The following AFDN variants were observed in gnomAD, a reference collection of about 807,000 sequenced individuals.
The protein encoded by AFDN is afadin, adherens junction formation factor.
Under a neutral mutation model 216.6 loss-of-function variants are expected in AFDN, and 68 were observed. The ratio of observed to expected loss-of-function variants is 0.31; its 90% CI spans 0.26 to 0.38. The LOEUF (loss-of-function observed/expected upper bound fraction) is 0.38. Among genes scored for constraint, AFDN ranks in the 10% least tolerant of loss-of-function variants. The pLI, the probability that AFDN is intolerant of heterozygous loss-of-function variation, is 1.00. For synonymous variants in AFDN, 868 were observed against 853.7 expected (o/e 1.02, Z -0.29); for missense variants, 2,136 against 2,342.0 (o/e 0.91, Z 1.82).
In AFDN at chr6:167,971,715, A is replaced by G. The variant is rs556140310; in HGVS notation, c.*1780A>G. On this transcript the variant is annotated 3_prime_UTR_variant, in exon 34 of 34. Coordinates refer to ENST00000683244, the MANE Select transcript of AFDN (RefSeq NM_001386888.1). ...TACATGTAAATATCTACATACAGGG[A>G]TATTTGTATGTGTGGTTGTGAAACC... 3.0e-4 allele frequency: 61 copies of G among 202,600 alleles called. No homozygotes were observed. The East Asian group carries it at 4.6e-3, about 15-fold the overall frequency. 12.6% of individuals were successfully genotyped at this position (202,600 alleles called of 1,614,324 possible).
intron 1 of AFDN, among the ~76,000 whole-genome samples, chr6:167,853,755 C>T (rs568776733): frequency 2.6e-5 from 4 of 151,972 alleles, no homozygotes; most frequent in Non-Finnish European, 5.9e-5. Context: ...GTGCGTTGTG[C>T]TTTTTTCACT....
intron 6 of AFDN, among the ~76,000 whole-genome samples, chr6:167,886,832 A>G (rs767237831): frequency 6.6e-6 from 1 of 151,936 alleles, no homozygotes; most frequent in African/African-American, 2.4e-5. Context: ...GAGGGCAGGA[A>G]CTTGAAGCCC....
chr6:167,957,094 G>C (rs1489143572), intron 30 of AFDN, among the ~76,000 whole-genome samples: 1 of 152,138 alleles, frequency 6.6e-6, no homozygotes, highest in East Asian at 1.9e-4. Flanking sequence ...GGGCCGTCGG[G>C]AGGGTCCCTG....
intron 1 of AFDN, 60 bp downstream of exon 1, chr6:167,827,297 C>A: frequency 1.4e-6 from 1 of 735,830 alleles, no homozygotes; most frequent in Non-Finnish European, 1.7e-6. Context: ...CGCCCCGCCC[C>A]TCCCCCCCGC....
chr6:167,938,844 C>T (rs1794330305), intron 23 of AFDN, among the ~76,000 whole-genome samples: 1 of 152,118 alleles, frequency 6.6e-6, no homozygotes, highest in Non-Finnish European at 1.5e-5. Context: ...TATTGTGAAA[C>T]TGGAACAAAG....
At chr6:167,829,727 C>G (rs1219717327) in intron 1 of AFDN, among the ~76,000 whole-genome samples, 2 of 151,456 alleles carry the variant, frequency 1.3e-5, no homozygotes, top group African/African-American at 2.4e-5. Context: ...AATTTTATAA[C>G]TTCATTAATC....
chr6:167,851,473 T>G (rs1782300428), intron 1 of AFDN, among the ~76,000 whole-genome samples: 1 of 152,206 alleles, frequency 6.6e-6, no homozygotes, highest in African/African-American at 2.4e-5. Context: ...TTCGCCTCTA[T>G]GCACACCCAC....
intron 11 of AFDN, among the ~76,000 whole-genome samples, chr6:167,901,015 A>G (rs1247646928): frequency 1.3e-5 from 2 of 152,330 alleles, no homozygotes; most frequent in African/African-American, 2.4e-5. Flanking sequence ...ATTATTTTGC[A>G]TTACAAAATG....
chr6:167,897,493 G>T (rs924736572), intron 10 of AFDN, among the ~76,000 whole-genome samples: 1 of 151,974 alleles, frequency 6.6e-6, no homozygotes, highest in African/African-American at 2.4e-5. Context: ...TAAGATGATG[G>T]GTTCAGATTG....
intron 29 of AFDN, among the ~76,000 whole-genome samples, chr6:167,950,425 ATT>A (rs1344888127): frequency 8.0e-6 from 1 of 124,372 alleles, no homozygotes; most frequent in East Asian, 2.8e-4. Flanking sequence ...TGTGTGTGTC[ATT>A]TCTCTCTGTC....
At chr6:167,870,327 A>G (rs1784657216) in intron 2 of AFDN, 59 bp from the exon 3 acceptor site, 2 of 1,033,148 alleles carry the variant, frequency 1.9e-6, no homozygotes, top group South Asian at 3.2e-5. Context: ...TGCTTGTATT[A>G]GCTAGTTCTA....
At chr6:167,952,286 A>G (rs922008628) in intron 30 of AFDN, 99 bp downstream of exon 30, 1 of 1,586,826 alleles carries the variant, frequency 6.3e-7, no homozygotes, top group Admixed American at 1.8e-5. Context: ...CGTGATAAGG[A>G]TTAAAAGGGC....
At chr6:167,947,052 C>A in intron 27 of AFDN, 151 bp downstream of exon 27, 1 of 666,996 alleles carries the variant, frequency 1.5e-6, no homozygotes, top group South Asian at 2.2e-5. Context: ...TCATAAGTAA[C>A]ATTTCTCTAA....
chr6:167,957,131 C>A (rs1401560614), intron 30 of AFDN, among the ~76,000 whole-genome samples: 1 of 152,042 alleles, frequency 6.6e-6, no homozygotes, highest in East Asian at 1.9e-4. Context: ...ACCCTCTTGG[C>A]ACATGCAGGT....
At chr6:167,907,050 G>C (rs1478971876) in intron 12 of AFDN, 121 bp from the exon 13 acceptor site, 8 of 686,944 alleles carry the variant, frequency 1.2e-5, no homozygotes, top group Non-Finnish European at 2.0e-5. Flanking sequence ...TTATTTCCTG[G>C]TCTGTGTTCT....
intron 19 of AFDN, 94 bp from the exon 20 acceptor site, chr6:167,916,995 G>T (rs1435692673): frequency 1.1e-5 from 12 of 1,137,980 alleles, no homozygotes; most frequent in Non-Finnish European, 1.3e-5. Context: ...AGTTAAATTA[G>T]CAAGTTATAT....
At chr6:167,827,696 G>C (rs1245480070) in intron 1 of AFDN, 2 of 151,898 alleles carry the variant, frequency 1.3e-5, no homozygotes, top group Non-Finnish European at 2.9e-5. Flanking sequence ...CTGTGCTTCG[G>C]GTTCATAAAC....
chr6:167,921,023 T>G lies in AFDN; in HGVS notation c.2909-1833T>G, dbSNP rs542878990. Among the ~76,000 whole-genome samples the G allele has an allele frequency of 5.3e-5, 8 of 152,366 alleles. No homozygotes were observed. In the South Asian group the frequency reaches 1.4e-3, roughly 28 times the overall value. On this transcript the variant is annotated intron_variant, in intron 21 of 33. Coordinates refer to ENST00000683244, the MANE Select transcript of AFDN (RefSeq NM_001386888.1). Reference sequence around the variant, plus strand: ...TTAGTGAGGGTGGTCCCTGAGATCCTGGGCTTGACCAGCTGCACTTTCTCT... The same window carrying G: ...TTAGTGAGGGTGGTCCCTGAGATCCGGGGCTTGACCAGCTGCACTTTCTCT...
intron 27 of AFDN, among the ~76,000 whole-genome samples, chr6:167,947,231 G>A (rs1258595267): frequency 6.6e-6 from 1 of 150,964 alleles, no homozygotes; most frequent in Non-Finnish European, 1.5e-5. Context: ...CTGGAGTGCA[G>A]TGCAGTGGCG....
Sources: allele counts gnomAD v4.1 joint callset (sites outside exome capture counted in the v4.1 genomes callset), GRCh38; gene constraint gnomAD v4.1.1; transcripts MANE v1.5; gene names NCBI Gene and HGNC (gene_info 2026-07-23, HGNC 2026-07-21).